The following MGAT4C variants were observed in gnomAD, a reference collection of about 807,000 sequenced individuals.
MGAT4C encodes alpha-1,3-mannosyl-glycoprotein 4-beta-N-acetylglucosaminyltransferase C.
A neutral mutation model predicts 40.1 loss-of-function variants in MGAT4C; 19 were observed. The observed-to-expected ratio is 0.47, with a 90% CI of 0.33 to 0.70. MGAT4C has a LOEUF of 0.70. Ranked by LOEUF, MGAT4C falls within the 30% of genes least tolerant of loss-of-function variation. The pLI is 0.02. For missense variants in MGAT4C, 491 were observed against 563.2 expected (o/e 0.87, Z 1.30); for synonymous variants, 181 against 187.1 (o/e 0.97, Z 0.27).
At chr12:86,315,937 T>A (rs1954209988) in intron 4 of MGAT4C, among the ~76,000 whole-genome samples, 2 of 151,758 alleles carry the variant, frequency 1.3e-5, no homozygotes, top group Non-Finnish European at 1.5e-5. Context: ...GGAAAATATT[T>A]ACAAACTATG....
chr12:86,424,622 G>T (rs903867775), intron 3 of MGAT4C, among the ~76,000 whole-genome samples: 1 of 152,030 alleles, frequency 6.6e-6, no homozygotes, highest in Non-Finnish European at 1.5e-5. Context: ...GGGGATGGCT[G>T]GGCAGCATGA....
chr12:86,440,089 G>T (rs990970151), intron 2 of MGAT4C, among the ~76,000 whole-genome samples: 9 of 152,020 alleles, frequency 5.9e-5, no homozygotes, highest in African/African-American at 2.2e-4. Context: ...GATTTCAAAT[G>T]ATTGAGAAAG....
At chr12:86,413,722 C>T (rs558611975) in intron 3 of MGAT4C, among the ~76,000 whole-genome samples, 3 of 152,258 alleles carry the variant, frequency 2.0e-5, no homozygotes, top group African/African-American at 4.8e-5. Context: ...ACTAGGGGGT[C>T]TGCCTAAATT....
At chr12:86,439,065 C>T (rs568048440) in intron 2 of MGAT4C, among the ~76,000 whole-genome samples, 4 of 151,888 alleles carry the variant, frequency 2.6e-5, no homozygotes, top group South Asian at 2.1e-4. Context: ...TTAGACAGAT[C>T]GTTGAGGCAG....
intron 1 of MGAT4C, among the ~76,000 whole-genome samples, chr12:86,770,283 T>C (rs1469530270): frequency 2.0e-5 from 3 of 152,068 alleles, no homozygotes; most frequent in Non-Finnish European, 4.4e-5. Context: ...TCTACCAAAT[T>C]TATATGAATG....
In MGAT4C at chr12:85,977,406, A is replaced by C. The variant is rs2136673956; in HGVS notation, c.*1883T>G. 6.6e-6 allele frequency: 1 copy of C among 151,624 alleles called. No individual in the cohort carries two copies. Among genetic ancestry groups the C allele is most frequent in the South Asian group, 2.1e-4 (1 of 4,826 alleles). 9.4% of individuals were successfully genotyped at this position (151,624 alleles called of 1,614,324 possible). On this transcript the variant is annotated 3_prime_UTR_variant, in exon 5 of 5. Transcript: ENST00000611864. ...AAAATAAAGAAAATAGAACATTTTT[A>C]GGTGTCTGGCAAGTATCCTCTAAAT...
intron 2 of MGAT4C, among the ~76,000 whole-genome samples, chr12:86,567,869 T>G (rs559235425): frequency 6.6e-6 from 1 of 152,298 alleles, no homozygotes; most frequent in South Asian, 2.1e-4. Context: ...TTTCTTTTTC[T>G]GATTTATTGA....
intron 2 of MGAT4C, among the ~76,000 whole-genome samples, chr12:86,587,769 G>C (rs949323756): frequency 6.0e-5 from 9 of 151,134 alleles, no homozygotes; most frequent in Non-Finnish European, 1.2e-4. Context: ...TGGTGTATAA[G>C]AATGCTTGTG....
rs73387103 is a variant in MGAT4C, at chr12:86,124,389, G to T, written c.-56-74666C>A. On this transcript the variant is annotated intron_variant, in intron 1 of 4. Coordinates refer to ENST00000611864, the MANE Select transcript of MGAT4C (RefSeq NM_001351288.2). Reference sequence around the variant, plus strand: ...ACAAGAAAACACAGAATAATGGAAAGATATAACAATACTGTAAGTTAGTGA... The same window carrying T: ...ACAAGAAAACACAGAATAATGGAAATATATAACAATACTGTAAGTTAGTGA... 6.3e-3 allele frequency among the ~76,000 whole-genome samples: 965 copies of T among 152,226 alleles called. 6 individuals carry two copies. Among genetic ancestry groups the T allele is most frequent in the African/African-American group, 0.022 (929 of 41,568 alleles).
At chr12:86,615,874 C>A (rs1044776969) in intron 2 of MGAT4C, among the ~76,000 whole-genome samples, 4 of 152,046 alleles carry the variant, frequency 2.6e-5, no homozygotes, top group Non-Finnish European at 5.9e-5. Flanking sequence ...TCAGATACCA[C>A]AGCAAGAGAA....
chr12:86,356,874 C>T (rs1391718776), intron 3 of MGAT4C, among the ~76,000 whole-genome samples: 1 of 152,158 alleles, frequency 6.6e-6, no homozygotes, highest in African/African-American at 2.4e-5. Flanking sequence ...CTGCCTGCCT[C>T]TGTAGAATCC....
chr12:85,981,676 T>C (rs1456887293), intron 4 of MGAT4C, among the ~76,000 whole-genome samples: 1 of 152,106 alleles, frequency 6.6e-6, no homozygotes, highest in African/African-American at 2.4e-5. Flanking sequence ...AAACGGTCTT[T>C]TGGGATAGGT....
At chr12:86,092,372 T>C (rs931585700) in intron 1 of MGAT4C, among the ~76,000 whole-genome samples, 7 of 152,134 alleles carry the variant, frequency 4.6e-5, no homozygotes, top group Admixed American at 4.6e-4. Context: ...ATCCTAGTTA[T>C]TTATATAAAT....
intron 3 of MGAT4C, among the ~76,000 whole-genome samples, chr12:86,429,408 G>T (rs1822269826): frequency 2.6e-5 from 4 of 152,112 alleles, no homozygotes; most frequent in Admixed American, 2.6e-4. Flanking sequence ...ATGTTTGTTT[G>T]TGTGCTTGAG....
At chr12:86,646,048 G>T (rs1396631680) in intron 2 of MGAT4C, among the ~76,000 whole-genome samples, 2 of 151,746 alleles carry the variant, frequency 1.3e-5, no homozygotes, top group Non-Finnish European at 2.9e-5. Flanking sequence ...GACTGAAGGA[G>T]GAAAGAAGTA....
Position 86,427,836 on chromosome 12 carries a change from C to T in MGAT4C, c.-120+7321G>A, listed in dbSNP as rs139336975. On this transcript the variant is annotated intron_variant, in intron 3 of 7. Transcript: ENST00000548651. ...GGGATCAAGACCATCCTGGCTAACA[C>T]GGTGAAACCCCGTCTCTACTAAAAA... is the stretch of plus-strand genomic sequence containing the variant. Among the ~76,000 whole-genome samples the T allele has an allele frequency of 3.3e-3, 504 of 152,118 alleles. 3 individuals carry two copies. The highest frequency in any genetic ancestry group is 0.012 in the African/African-American group (479 of 41,508).
intron 4 of MGAT4C, among the ~76,000 whole-genome samples, chr12:86,290,413 G>C (rs755781045): frequency 6.6e-6 from 1 of 152,104 alleles, no homozygotes; most frequent in Non-Finnish European, 1.5e-5. Context: ...AAATTTGCAT[G>C]ACAAATATCA....
chr12:86,752,285 T>A (rs1262267621), intron 1 of MGAT4C, among the ~76,000 whole-genome samples: 5 of 152,056 alleles, frequency 3.3e-5, no homozygotes, highest in Non-Finnish European at 7.4e-5. Flanking sequence ...CTCATGAATG[T>A]TCCACAGTTT....
chr12:86,267,014 T>A (rs547568178), intron 4 of MGAT4C, among the ~76,000 whole-genome samples: 1 of 152,222 alleles, frequency 6.6e-6, no homozygotes, highest in East Asian at 1.9e-4. Flanking sequence ...CTCCTGTCTC[T>A]TATTGGTTAG....
Sources: gnomAD v4.1 joint callset for allele counts (sites outside exome capture counted in the v4.1 genomes callset) on GRCh38, gnomAD v4.1.1 for gene constraint, MANE v1.5 for transcripts, NCBI Gene and HGNC (gene_info 2026-07-23, HGNC 2026-07-21) for gene names.